PCDH11X: variants seen among roughly 807,000 people sequenced by gnomAD.
PCDH11X encodes protocadherin-11 X-linked.
PCDH11X carries 18 observed loss-of-function variants against 53.3 expected under a neutral mutation model. The observed-to-expected ratio is 0.34, with a 90% confidence interval of 0.23 to 0.50. The LOEUF is 0.50. Among genes scored for constraint, PCDH11X ranks in the 20% least tolerant of loss-of-function variants. The pLI, the probability that PCDH11X is intolerant of heterozygous loss-of-function variation, is 0.98. For synonymous variants in PCDH11X, 279 were observed against 393.3 expected (o/e 0.71, Z 3.44); for missense variants, 570 against 1,032.4 (o/e 0.55, Z 6.14).
At chrX:91,948,674 T>C (rs1323626341) in intron 6 of PCDH11X, among the ~76,000 whole-genome samples, 2 of 108,821 alleles carry the variant, frequency 1.8e-5, no homozygotes, top group East Asian at 6.0e-4. Flanking sequence ...GCAATAGGTG[T>C]AGGGACCACT....
At chrX:92,175,843 G>A (rs1202062645) in intron 6 of PCDH11X, among the ~76,000 whole-genome samples, 1 of 104,023 alleles carries the variant, frequency 9.6e-6, no homozygotes. Context: ...TATTCCTTAG[G>A]CGTTCACCCA....
intron 9 of PCDH11X, among the ~76,000 whole-genome samples, chrX:92,403,343 T>TG (rs2071434345): frequency 1.2e-5 from 1 of 83,339 alleles, no homozygotes; most frequent in Non-Finnish European, 2.1e-5. Context: ...TTTTTTGTTT[T>TG]TTTTTTTTTT....
At chrX:92,618,113 C>A in intron 10 of PCDH11X, 151 bp from the exon 11 acceptor site, 2 of 757,222 alleles carry the variant, frequency 2.6e-6, no homozygotes, top group East Asian at 3.5e-5. Flanking sequence ...GAATTACTGA[C>A]AAATTAAAAA....
rs754522568 is a variant in PCDH11X, at chrX:91,822,468, G to A, written c.-45+11173G>A. On this transcript the variant is annotated intron_variant, in intron 4 of 10. Transcript: ENST00000682573. ...TTTTCTAGTTTATTTGCGCAGAGGT[G>A]TTTATAGTATTCTCTGATGGTAGTT... 6.4e-4 allele frequency among the ~76,000 whole-genome samples: 71 copies of A among 111,427 alleles called. 1 individual carries two copies. The highest frequency in any genetic ancestry group is 2.2e-3 in the African/African-American group (67 of 30,602).
chrX:92,282,083 G>A (rs1158453693), intron 8 of PCDH11X, among the ~76,000 whole-genome samples: 1 of 110,969 alleles, frequency 9.0e-6, no homozygotes, highest in Non-Finnish European at 1.9e-5. Flanking sequence ...GAGGGAGGAG[G>A]AGAAGGAGGA....
intron 6 of PCDH11X, among the ~76,000 whole-genome samples, chrX:92,065,486 G>T (rs1010537753): frequency 4.9e-4 from 55 of 111,342 alleles, no homozygotes; most frequent in African/African-American, 1.7e-3. Flanking sequence ...CACCAACAAT[G>T]TACAAAGGTT....
chrX:92,256,217 C>T (rs902770507), intron 7 of PCDH11X, among the ~76,000 whole-genome samples: 4 of 111,703 alleles, frequency 3.6e-5, no homozygotes, highest in African/African-American at 6.5e-5. Flanking sequence ...AGGTGCCGTC[C>T]GTCACCCCTT....
At chrX:92,468,059 C>G (rs1268216747) in intron 9 of PCDH11X, 1 of 138,125 alleles carries the variant, frequency 7.2e-6, no homozygotes, top group East Asian at 2.7e-4. Flanking sequence ...CCAATCATTA[C>G]TTCCCAGGAA....
intron 6 of PCDH11X, among the ~76,000 whole-genome samples, chrX:91,953,170 T>C (rs1309356241): frequency 9.1e-6 from 1 of 109,952 alleles, no homozygotes; most frequent in Non-Finnish European, 1.9e-5. Context: ...AATAATTATA[T>C]ATTTTAAAGT....
intron 6 of PCDH11X, among the ~76,000 whole-genome samples, chrX:91,952,234 A>C (rs1602551837): frequency 9.0e-6 from 1 of 110,688 alleles, no homozygotes; most frequent in Non-Finnish European, 1.9e-5. Flanking sequence ...ATTGCAGTTT[A>C]AAGTTGATTT....
chrX:92,492,138 A>G (rs1449467386), intron 10 of PCDH11X, among the ~76,000 whole-genome samples: 1 of 112,228 alleles, frequency 8.9e-6, no homozygotes, highest in Non-Finnish European at 1.9e-5. Context: ...GCTGCTTATA[A>G]GAACTACTGT....
intron 8 of PCDH11X, among the ~76,000 whole-genome samples, chrX:92,331,335 TTC>T (rs2069479153): frequency 1.1e-5 from 1 of 88,285 alleles, no homozygotes; most frequent in African/African-American, 4.5e-5. Context: ...TTCTTCTTCC[TTC>T]CTTCCTTTTC....
intron 6 of PCDH11X, among the ~76,000 whole-genome samples, chrX:92,064,986 G>A (rs2063585669): frequency 9.4e-6 from 1 of 106,061 alleles, no homozygotes; most frequent in Admixed American, 1.0e-4. Context: ...GAGGCTGAGG[G>A]TGGACCCAAG....
At chrX:92,575,188 A>G (rs1302334460) in intron 10 of PCDH11X, among the ~76,000 whole-genome samples, 1 of 110,587 alleles carries the variant, frequency 9.0e-6, no homozygotes, top group Non-Finnish European at 1.9e-5. Context: ...TTTTATGAGT[A>G]CATTATGTAT....
At chrX:91,949,624 T>C (rs2061615294) in intron 6 of PCDH11X, among the ~76,000 whole-genome samples, 1 of 110,358 alleles carries the variant, frequency 9.1e-6, no homozygotes, top group Non-Finnish European at 1.9e-5. Flanking sequence ...TCACTCGGCT[T>C]CTAGCGCTGT....
At chrX:92,203,317 C>T (rs2066422219) in intron 7 of PCDH11X, among the ~76,000 whole-genome samples, 1 of 112,608 alleles carries the variant, frequency 8.9e-6, no homozygotes, top group Admixed American at 9.4e-5. Context: ...ATCTGAAATT[C>T]ATGGAAGCCA....
At position 92,461,051 on chromosome X, in the gene PCDH11X, G is replaced by C. The variant is rs1421889423; in HGVS notation, c.3344-7248G>C. 6.4e-6 allele frequency: 3 copies of C among 465,265 alleles called. No individual in the cohort carries two copies. The African/African-American group carries it at 7.9e-5, about 12-fold the overall frequency. The allele number at this position is 465,265 out of a possible 1,213,427, so 38.3% of individuals were successfully genotyped here. On this transcript the variant is annotated intron_variant, in intron 9 of 10. Transcript: ENST00000682573. ...TAAACAATGAAAACTATAAAACATT[G>C]ATGAAAGAAATTGAGGCAGATACAA... is the stretch of plus-strand genomic sequence containing the variant.
rs1467765182 is a variant in PCDH11X, at chrX:91,891,938, A to G, written c.3033+12665A>G. ...AGTATATAATATCAGGGTTTAAAAA[A>G]AAAAAGAAAAAGAAAAAAAGCACAT... On this transcript the variant is annotated intron_variant, in intron 6 of 10. Transcript: ENST00000682573. Among the ~76,000 whole-genome samples, 42 of 97,080 alleles carry G rather than the reference A, an allele frequency of 4.3e-4. 1 individual carries two copies. Among genetic ancestry groups the G allele is most frequent in the African/African-American group, 1.2e-3 (32 of 27,178 alleles). 84.3% of individuals were successfully genotyped at this position (97,080 alleles called of 115,157 possible).
chrX:92,515,879 GA>G (rs770253527), intron 10 of PCDH11X, among the ~76,000 whole-genome samples: 20 of 110,642 alleles, frequency 1.8e-4, no homozygotes, highest in African/African-American at 6.6e-4. Flanking sequence ...TTTTCTATTG[GA>G]AAATGTCTTT....
Sources: gnomAD v4.1 joint callset for allele counts (sites outside exome capture counted in the v4.1 genomes callset) on GRCh38, gnomAD v4.1.1 for gene constraint, MANE v1.5 for transcripts, NCBI Gene and HGNC (gene_info 2026-07-23, HGNC 2026-07-21) for gene names.